SPATC1: variants seen among roughly 807,000 people sequenced by gnomAD.
SPATC1 encodes speriolin.
SPATC1 carries 35 observed loss-of-function variants against 36.5 expected under a neutral mutation model. That is an observed-to-expected ratio of 0.96 (90% CI 0.73 to 1.27). The LOEUF is 1.27. Ranked by LOEUF, SPATC1 falls within the 50% of genes most tolerant of loss-of-function variation. The pLI is 0.00. For missense variants in SPATC1, 779 were observed against 796.0 expected, an observed-to-expected ratio of 0.98 and a Z score of 0.26; for synonymous variants, 361 against 353.6, an observed-to-expected ratio of 1.02 and a Z score of -0.24.
At chr8:144,013,730 C>CAG (rs1270453736) in intron 1 of SPATC1, among the ~76,000 whole-genome samples, 26 of 152,040 alleles carry the variant, frequency 1.7e-4, no homozygotes, top group Non-Finnish European at 3.4e-4. Context: ...CTGAGGCAAG[C>CAG]AGATGACCTG....
Position 144,046,926 on chromosome 8 carries a change from CGAT to C in SPATC1, c.1749_1751del (p.Asp584del), listed in dbSNP as rs782224021. 1.9e-6 allele frequency: 3 copies of C among 1,598,262 alleles called. No individual in the cohort carries two copies. In the Admixed American group the frequency reaches 5.0e-5, roughly 27 times the overall value. ...TCTCCTGCCTCAGCCAGCTGGCGCA[CGAT>C]GACGGCAAGCCCATGTTCATCTGGT... On this transcript the variant is annotated inframe_deletion, in exon 5 of 5. Coordinates refer to ENST00000377470, the MANE Select transcript of SPATC1 (RefSeq NM_198572.3). The surrounding 1 kb of genome is among the most constrained non-coding windows in gnomAD (Gnocchi z 6.6).
Position 144,016,321 on chromosome 8 carries a change from G to T in SPATC1, c.211+3595G>T, listed in dbSNP as rs941797091. Reference sequence around the variant, plus strand: ...TCTGCTTTGACGGTGTGTGATTTGTGAGTGAATGTGTGCATATGGCTCTGT... The same window carrying T: ...TCTGCTTTGACGGTGTGTGATTTGTTAGTGAATGTGTGCATATGGCTCTGT... On this transcript the variant is annotated intron_variant, in intron 1 of 4. Transcript: ENST00000377470. The surrounding 1 kb of genome is among the most constrained non-coding windows in gnomAD (Gnocchi z 4.5). 2.0e-5 allele frequency among the ~76,000 whole-genome samples: 3 copies of T among 152,090 alleles called. No individual in the cohort carries two copies. The highest frequency in any genetic ancestry group is 7.2e-5 in the African/African-American group (3 of 41,422).
chr8:144,026,984 T>TTC (rs1300269976), intron 1 of SPATC1, among the ~76,000 whole-genome samples: 185 of 129,348 alleles, frequency 1.4e-3, no homozygotes, highest in African/African-American at 5.5e-3. Context: ...TAATTTTTTT[T>TTC]TTCTTTTTTT....
intron 1 of SPATC1, among the ~76,000 whole-genome samples, chr8:144,021,514 C>G (rs1834534915): frequency 8.7e-6 from 1 of 114,432 alleles, no homozygotes; most frequent in Non-Finnish European, 1.9e-5. Flanking sequence ...TCAGATCCCT[C>G]TCCCCTCAGG....
At chr8:144,013,509 GC>G (rs1191181057) in intron 1 of SPATC1, among the ~76,000 whole-genome samples, 1 of 152,058 alleles carries the variant, frequency 6.6e-6, no homozygotes, top group Non-Finnish European at 1.5e-5. Flanking sequence ...TTAATTCCCT[GC>G]CCCCTACCCA....
chr8:144,031,943 C>T (rs2133127656), intron 1 of SPATC1, among the ~76,000 whole-genome samples: 1 of 152,284 alleles, frequency 6.6e-6, no homozygotes, highest in Non-Finnish European at 1.5e-5. Flanking sequence ...TGGTCTTGAA[C>T]TCCTGGGCTC....
intron 1 of SPATC1, among the ~76,000 whole-genome samples, chr8:144,021,183 C>T (rs1247288433): frequency 2.9e-4 from 2 of 7,012 alleles, no homozygotes; most frequent in South Asian, 4.4e-3. Context: ...CCTTTCCCAT[C>T]AGGACCCTCT....
Position 144,040,409 on chromosome 8 carries a change from G to T in SPATC1, c.712G>T (p.Gly238Cys). 6.2e-7 allele frequency: 1 copy of T among 1,609,908 alleles called. No individual in the cohort carries two copies. Among genetic ancestry groups the T allele is most frequent in the Non-Finnish European group, 8.5e-7 (1 of 1,178,766 alleles). The change falls in exon 2 of 5, where the codon GGC becomes TGC. Residue 238 changes from glycine (G) to cysteine (C), a missense_variant. Coordinates refer to ENST00000377470, the MANE Select transcript of SPATC1 (RefSeq NM_198572.3). ...GCGGCTGGCTGAGCCACTCCGCGGA[G>T]GCCCCACTGGGCCCCAGTCCCCAGC... ...RLRLAEPLRG[G>C]PTGPQSPACV...
intron 1 of SPATC1, among the ~76,000 whole-genome samples, chr8:144,018,381 T>C (rs1166517973): frequency 3.3e-5 from 5 of 152,034 alleles, no homozygotes; most frequent in African/African-American, 1.2e-4. Context: ...TTCAAGGAGT[T>C]TGGCCTTGGG....
intron 1 of SPATC1, among the ~76,000 whole-genome samples, chr8:144,013,782 G>A (rs184459344): frequency 5.3e-5 from 8 of 151,842 alleles, no homozygotes; most frequent in Non-Finnish European, 1.2e-4. Context: ...ATGGCGAAAC[G>A]CCATCTCTAC....
chr8:144,019,864 C>A (rs1418057281), intron 1 of SPATC1, among the ~76,000 whole-genome samples: 1 of 151,980 alleles, frequency 6.6e-6, no homozygotes, highest in Non-Finnish European at 1.5e-5. Flanking sequence ...CACACACCTA[C>A]CTGAGGATCC....
intron 1 of SPATC1, among the ~76,000 whole-genome samples, chr8:144,013,390 A>G (rs911788849): frequency 3.3e-5 from 5 of 152,144 alleles, no homozygotes; most frequent in Non-Finnish European, 7.4e-5. Context: ...TGCAGGCTCA[A>G]TGAGTCACTG....
At chr8:144,024,138 A>T (rs1361125518) in intron 1 of SPATC1, among the ~76,000 whole-genome samples, 2 of 13,918 alleles carry the variant, frequency 1.4e-4, no homozygotes, top group African/African-American at 5.6e-4. Context: ...GGACCATCCT[A>T]CTTCTAGACC....
rs1338790464 is a variant in SPATC1, at chr8:144,045,641, C to T, written c.1447-986C>T. Among the ~76,000 whole-genome samples the T allele has an allele frequency of 6.6e-6, 1 of 152,190 alleles. No homozygotes were observed. The highest frequency in any genetic ancestry group is 2.4e-5 in the African/African-American group (1 of 41,444). ...AGGAGGAGCTTGGGCAGGGGATAGCCCACCCAACTCCACTTTAGACCCGTG... is the reference window on the plus strand; with the variant it reads ...AGGAGGAGCTTGGGCAGGGGATAGCTCACCCAACTCCACTTTAGACCCGTG... On this transcript the variant is annotated intron_variant, in intron 4 of 4. Coordinates refer to ENST00000377470, the MANE Select transcript of SPATC1 (RefSeq NM_198572.3). This position sits in a 1 kb window ranked among gnomAD's most constrained non-coding sequence, Gnocchi z 5.2.
intron 1 of SPATC1, among the ~76,000 whole-genome samples, chr8:144,034,045 C>T (rs969233327): frequency 1.5e-4 from 23 of 152,218 alleles, no homozygotes; most frequent in African/African-American, 5.5e-4. Context: ...TTTTTCAGGG[C>T]CTAACCTTTA....
intron 1 of SPATC1, among the ~76,000 whole-genome samples, chr8:144,030,078 A>G (rs1834763852): frequency 6.6e-6 from 1 of 152,194 alleles, no homozygotes; most frequent in Non-Finnish European, 1.5e-5. Flanking sequence ...TTTTTGATTT[A>G]AAGTCTATTT....
intron 1 of SPATC1, among the ~76,000 whole-genome samples, chr8:144,033,409 AAAAG>A (rs1460211776): frequency 1.1e-4 from 17 of 152,226 alleles, no homozygotes; most frequent in Admixed American, 5.2e-4. Flanking sequence ...CAAAAAAAAA[AAAAG>A]AAAGAAAGAA....
chr8:144,038,326 A>G (rs1349143395), intron 1 of SPATC1, among the ~76,000 whole-genome samples: 2 of 146,250 alleles, frequency 1.4e-5, no homozygotes, highest in Non-Finnish European at 3.0e-5. Context: ...CCAGCTACTC[A>G]GGAGGCTGGA....
Position 144,031,597 on chromosome 8 carries a change from A to T in SPATC1, c.212-8312A>T, listed in dbSNP as rs972826540. Among the ~76,000 whole-genome samples the T allele has an allele frequency of 3.4e-4, 51 of 150,968 alleles. No individual in the cohort carries two copies. In the East Asian group the frequency reaches 9.8e-3, roughly 29 times the overall value. On this transcript the variant is annotated intron_variant, in intron 1 of 4. Coordinates refer to ENST00000377470, the MANE Select transcript of SPATC1 (RefSeq NM_198572.3). ...ATGTATCTCAGTGAAAATCTCTATG[A>T]GTTTATTCTACTTGGAGTTCACTGA... is the stretch of plus-strand genomic sequence containing the variant.
Sources: allele counts gnomAD v4.1 joint callset (sites outside exome capture counted in the v4.1 genomes callset), GRCh38; gene constraint gnomAD v4.1.1; non-coding constraint Gnocchi (gnomAD v3.1); transcripts MANE v1.5; gene names NCBI Gene and HGNC (gene_info 2026-07-23, HGNC 2026-07-21).